Variants in SQSTM1 observed in about 807,000 individuals in gnomAD.
SQSTM1 encodes the protein sequestosome 1.
SQSTM1 carries 36 observed loss-of-function variants against 45.1 expected under a neutral mutation model. That is an observed-to-expected ratio of 0.80 (90% CI 0.61 to 1.05). The LOEUF (loss-of-function observed/expected upper bound fraction) is 1.05, where lower values mean the gene tolerates loss of function less well. Ranked by LOEUF, SQSTM1 falls within the 50% of genes least tolerant of loss-of-function variation. The probability of loss-of-function intolerance (pLI) is 0.00; values close to 1 mark genes in which losing one functional copy is unlikely to be tolerated. For synonymous variants in SQSTM1, 290 were observed against 244.3 expected (o/e 1.19, Z -1.74); for missense variants, 617 against 607.1 (o/e 1.02, Z -0.17).
rs1207261915 is a variant in SQSTM1 at position 179,837,478 on chromosome 5, C to T, written c.*885C>T. The T allele has an allele frequency of 6.2e-7, 1 of 1,613,982 alleles. No homozygotes were observed. Among genetic ancestry groups the T allele is most frequent in the Non-Finnish European group, 8.5e-7 (1 of 1,179,906 alleles). ...GATTCTGTGCCTCCAGGACCAGGGG[C>T]CCACCCTCTGCCCAGGGAGTCCTTG... On this transcript the variant is annotated 3_prime_UTR_variant, in exon 8 of 8. Coordinates refer to ENST00000389805, the MANE Select transcript of SQSTM1 (RefSeq NM_003900.5).
intron 2 of SQSTM1, chr5:179,813,641 C>T (rs150635467): frequency 7.9e-5 from 12 of 152,222 alleles, no homozygotes; most frequent in African/African-American, 2.9e-4. Context: ...TGGCATGTAC[C>T]TGTAGTCCTA....
rs992982794 is a variant in SQSTM1, at chr5:179,823,948, G to A, written c.392G>A (p.Cys131Tyr). Residue 131 changes from cysteine to tyrosine, a missense_variant, in exon 3 of 8, where the codon TGC (cysteine) becomes TAC (tyrosine). Cys to Tyr is a radical substitution (Grantham distance 194). Transcript: ENST00000389805. ...MVHPNVICDG[C>Y]NGPVVGTRYK... The stretch of plus-strand genomic sequence containing the variant: ...CACCCCAATGTGATCTGCGATGGCT[G>A]CAATGGGCCTGTGGTAGGAACCCGC... 1 of 1,614,024 alleles carries A rather than the reference G, an allele frequency of 6.2e-7. No homozygotes were observed. Among genetic ancestry groups the A allele is most frequent in the Non-Finnish European group, 8.5e-7 (1 of 1,180,050 alleles).
upstream of SQSTM1, among the ~76,000 whole-genome samples, chr5:179,816,441 T>C (rs1348318026): frequency 3.3e-5 from 5 of 152,178 alleles, no homozygotes; most frequent in Non-Finnish European, 5.9e-5. Context: ...CCACCGCGCC[T>C]GGCCTCTTCC....
chr5:179,823,074 C>T (rs1475821870), intron 2 of SQSTM1, 21 bp downstream of exon 2: 5 of 1,606,332 alleles, frequency 3.1e-6, no homozygotes, highest in Non-Finnish European at 4.3e-6. Context: ...GCTCTGGGGG[C>T]TGCCTGAAGC....
upstream of SQSTM1, chr5:179,820,192 TGAG>T (rs1036473587): frequency 2.0e-5 from 3 of 152,336 alleles, no homozygotes; most frequent in African/African-American, 4.8e-5. Flanking sequence ...CCTGCTGAAT[TGAG>T]GAGCCCATAA....
At chr5:179,834,558 C>T (rs910229164) in intron 7 of SQSTM1, among the ~76,000 whole-genome samples, 7 of 151,060 alleles carry the variant, frequency 4.6e-5, no homozygotes, top group South Asian at 2.1e-4. Context: ...GAGGACCCTG[C>T]GGCCTTCCGC....
chr5:179,833,321 C>T (rs961018924), intron 6 of SQSTM1, 75 bp downstream of exon 6: 26 of 1,378,596 alleles, frequency 1.9e-5, no homozygotes, highest in African/African-American at 5.7e-5. Flanking sequence ...CCGCCTCATC[C>T]TCAGCACCTC....
chr5:179,829,241 A>C (rs1463338647), intron 5 of SQSTM1, among the ~76,000 whole-genome samples: 1 of 152,230 alleles, frequency 6.6e-6, no homozygotes. Flanking sequence ...CAATGGGCCC[A>C]GCAGTCAGTT....
At chr5:179,808,454 A>G (rs1359704904) in intron 1 of SQSTM1, 2 of 152,212 alleles carry the variant, frequency 1.3e-5, no homozygotes, top group South Asian at 2.1e-4. Flanking sequence ...GCAAAGGATA[A>G]TGGCTTTTCA....
Position 179,833,856 on chromosome 5 carries a change from C to T in SQSTM1, c.1165+74C>T, listed in dbSNP as rs564909344. ...GCATCCTGCCCTCCTCTGATTTCAG[C>T]GACACAAACAGAAGGATGAGATGTT... On this transcript the variant is annotated intron_variant, in intron 7 of 7. Transcript: ENST00000389805. 8.4e-5 allele frequency: 126 copies of T among 1,507,204 alleles called. 1 individual carries two copies. In the South Asian group the frequency reaches 1.2e-3, roughly 14 times the overall value. 93.4% of individuals were successfully genotyped at this position (1,507,204 alleles called of 1,614,324 possible).
In SQSTM1 at chr5:179,806,609, G is replaced by T. The variant is rs762710209; in HGVS notation, c.-157+18G>T. ...CTCCTCGGGTGCGCGGCGGGCGCCC[G>T]CGGGGCCGAGGCTGCATGGCCCGGG... is the stretch of plus-strand genomic sequence containing the variant. On this transcript the variant is annotated intron_variant, in intron 1 of 5. Transcript: ENST00000514093. This position sits in a 1 kb window ranked among gnomAD's most constrained non-coding sequence, Gnocchi z 4.6. 8 of 1,204,816 alleles carry T rather than the reference G, an allele frequency of 6.6e-6. No homozygotes were observed. Among genetic ancestry groups the T allele is most frequent in the Non-Finnish European group, 8.5e-6 (8 of 939,382 alleles). The allele number at this position is 1,204,816 out of a possible 1,614,324, so 74.6% of individuals were successfully genotyped here.
At position 179,820,909 on chromosome 5, in the gene SQSTM1, C is replaced by G; in HGVS notation, c.-28C>G. On this transcript the variant is annotated 5_prime_UTR_variant, in exon 1 of 8. Coordinates refer to ENST00000389805, the MANE Select transcript of SQSTM1 (RefSeq NM_003900.5). The stretch of plus-strand genomic sequence containing the variant: ...CGCGCGGCGGCTGCGACCGGGACGG[C>G]CCGTTTTCCGCCAGCTCGCCGCTCG... 2 of 1,492,712 alleles carry G rather than the reference C, an allele frequency of 1.3e-6. No homozygotes were observed. The highest frequency in any genetic ancestry group is 1.4e-5 in the African/African-American group (1 of 69,440). 92.5% of individuals were successfully genotyped at this position (1,492,712 alleles called of 1,614,324 possible). A position where few individuals can be genotyped will look rare whatever the true frequency, so the allele number is the denominator to read the frequency against.
At chr5:179,823,834 CG>C in intron 2 of SQSTM1, 23 bp from the exon 3 acceptor site, 1 of 1,607,028 alleles carries the variant, frequency 6.2e-7, no homozygotes, top group Non-Finnish European at 8.5e-7. Context: ...CCCACCCTAG[CG>C]GCTCTCTTTA....
intron 6 of SQSTM1, 63 bp downstream of exon 6, chr5:179,833,309 C>T: frequency 6.9e-7 from 1 of 1,453,454 alleles, no homozygotes; most frequent in South Asian, 1.2e-5. Flanking sequence ...TGGCCTGCAC[C>T]TCCGCCTCAT....
chr5:179,808,648 T>G (rs1299115532), intron 1 of SQSTM1, among the ~76,000 whole-genome samples: 1 of 151,490 alleles, frequency 6.6e-6, no homozygotes, highest in Non-Finnish European at 1.5e-5. Flanking sequence ...AAACCCCGTC[T>G]CTACTAAAAA....
At chr5:179,823,195 G>A (rs1757849559) in intron 2 of SQSTM1, 142 bp downstream of exon 2, 2 of 820,954 alleles carry the variant, frequency 2.4e-6, no homozygotes, top group Admixed American at 2.0e-5. Flanking sequence ...TAGGCCAGGT[G>A]TGGCTCACGC....
Position 179,806,661 on chromosome 5 carries a change from GA to G in SQSTM1, c.-157+72del. 1.4e-6 allele frequency: 1 copy of G among 740,388 alleles called. No homozygotes were observed. The highest frequency in any genetic ancestry group is 1.7e-6 in the Non-Finnish European group (1 of 604,562). 45.9% of individuals were successfully genotyped at this position (740,388 alleles called of 1,614,324 possible). On this transcript the variant is annotated intron_variant, in intron 1 of 5. Coordinates refer to the SQSTM1 transcript ENST00000514093. This position sits in a 1 kb window ranked among gnomAD's most constrained non-coding sequence, Gnocchi z 4.6. ...GACCGGGGCCGGGGCGCAGGGGTCG[GA>G]AGGCGGCGGCGGCGGCGGCAGGGGC...
intron 5 of SQSTM1, among the ~76,000 whole-genome samples, chr5:179,828,353 CTT>C (rs71001051): frequency 2.2e-5 from 3 of 138,176 alleles, no homozygotes; most frequent in African/African-American, 8.1e-5. Flanking sequence ...TTGTTTCAAC[CTT>C]TTTTTTTTCT....
At position 179,806,631 on chromosome 5, in the gene SQSTM1, C is replaced by A; in HGVS notation, c.-157+40C>A. ...CCCGCGGGGCCGAGGCTGCATGGCC[C>A]GGGGGACCGGGGCCGGGGCGCAGGG... is the stretch of plus-strand genomic sequence containing the variant. On this transcript the variant is annotated intron_variant, in intron 1 of 5. Transcript: ENST00000514093. The surrounding 1 kb of genome is among the most constrained non-coding windows in gnomAD (Gnocchi z 4.6). The A allele has an allele frequency of 9.6e-7, 1 of 1,041,956 alleles. No homozygotes were observed. The highest frequency in any genetic ancestry group is 1.2e-6 in the Non-Finnish European group (1 of 835,540). 64.5% of individuals were successfully genotyped at this position (1,041,956 alleles called of 1,614,324 possible).
Sources: gnomAD v4.1 joint callset for allele counts (sites outside exome capture counted in the v4.1 genomes callset) on GRCh38, gnomAD v4.1.1 for gene constraint, Gnocchi (gnomAD v3.1) non-coding constraint, MANE v1.5 for transcripts, NCBI Gene and HGNC (gene_info 2026-07-23, HGNC 2026-07-21) for gene names.